The following PXYLP1 variants were observed in gnomAD, a reference collection of about 807,000 sequenced individuals.
The protein encoded by PXYLP1 is acid phosphatase-like 2.
Under a neutral mutation model 37.9 loss-of-function variants are expected in PXYLP1, and 17 were observed. The ratio of observed to expected loss-of-function variants is 0.45; its 90% CI spans 0.31 to 0.67. PXYLP1 has a LOEUF of 0.67. Among genes scored for constraint, PXYLP1 ranks in the 30% least tolerant of loss-of-function variants. The pLI is 0.07. For synonymous variants in PXYLP1, 221 were observed against 232.2 expected (o/e 0.95, Z 0.44); for missense variants, 511 against 612.0 (o/e 0.84, Z 1.74).
intron 2 of PXYLP1, among the ~76,000 whole-genome samples, chr3:141,272,263 G>A (rs146829856): frequency 6.6e-6 from 1 of 152,282 alleles, no homozygotes; most frequent in Non-Finnish European, 1.5e-5. Context: ...TGGTTGTTGA[G>A]TTTCAGGGAT....
rs1942276306 is a variant in PXYLP1 at position 141,293,278 on chromosome 3, C to G, written c.*73C>G. On this transcript the variant is annotated 3_prime_UTR_variant, in exon 6 of 6. Coordinates refer to ENST00000286353, the MANE Select transcript of PXYLP1 (RefSeq NM_001037172.3). ...GGGAAAGGTCCACTTCTAGTTTTGTCTGTTACTAAGGGTAGAAGATTATTG... is the reference window on the plus strand; with the variant it reads ...GGGAAAGGTCCACTTCTAGTTTTGTGTGTTACTAAGGGTAGAAGATTATTG... 5 of 1,407,738 alleles carry G rather than the reference C, an allele frequency of 3.6e-6. No homozygotes were observed. The highest frequency in any genetic ancestry group is 4.8e-6 in the Non-Finnish European group (5 of 1,040,028). The allele number at this position is 1,407,738 out of a possible 1,614,324, so 87.2% of individuals were successfully genotyped here.
chr3:141,291,190 TA>T (rs1227700690), intron 5 of PXYLP1, among the ~76,000 whole-genome samples: 2 of 152,162 alleles, frequency 1.3e-5, no homozygotes, highest in Admixed American at 1.3e-4. Flanking sequence ...GGACTTTTCA[TA>T]CTGTTTGGAC....
chr3:141,247,598 T>C (rs1357174516), intron 1 of PXYLP1, among the ~76,000 whole-genome samples: 1 of 152,208 alleles, frequency 6.6e-6, no homozygotes, highest in Non-Finnish European at 1.5e-5. Context: ...CAACTTTCTA[T>C]AACCAAGACT....
At chr3:141,281,869 C>T (rs112992126) in intron 4 of PXYLP1, among the ~76,000 whole-genome samples, 4 of 152,156 alleles carry the variant, frequency 2.6e-5, no homozygotes, top group South Asian at 4.1e-4. Flanking sequence ...CAGGCTCAAG[C>T]GTGGAGTGGA....
Position 141,290,963 on chromosome 3 carries a change from C to T in PXYLP1, c.506-1305C>T, listed in dbSNP as rs113866916. On this transcript the variant is annotated intron_variant, in intron 5 of 5. Coordinates refer to ENST00000286353, the MANE Select transcript of PXYLP1 (RefSeq NM_001037172.3). ...CACGGAATCTAATGTTTGTCTCTCA[C>T]GGTTTGCATGTTTTTTTGCAAAGCG... Among the ~76,000 whole-genome samples the T allele has an allele frequency of 3.3e-3, 509 of 152,228 alleles. 4 individuals carry two copies. The highest frequency in any genetic ancestry group is 0.011 in the African/African-American group (457 of 41,524).
chr3:141,256,585 A>G (rs2148737168), intron 1 of PXYLP1, among the ~76,000 whole-genome samples: 1 of 152,362 alleles, frequency 6.6e-6, no homozygotes, highest in Middle Eastern at 3.4e-3. Flanking sequence ...TTGGGGTCCT[A>G]GCTTCAGCTG....
At chr3:141,270,399 C>T (rs1941633170) in intron 2 of PXYLP1, among the ~76,000 whole-genome samples, 1 of 152,216 alleles carries the variant, frequency 6.6e-6, no homozygotes, top group African/African-American at 2.4e-5. Context: ...AGGCAGATAA[C>T]AACTGTGGAC....
chr3:141,247,221 G>C (rs1940979905), intron 1 of PXYLP1, among the ~76,000 whole-genome samples: 1 of 152,262 alleles, frequency 6.6e-6, no homozygotes, highest in South Asian at 2.1e-4. Flanking sequence ...GGCATAATGT[G>C]AGGGCTTGAA....
chr3:141,293,326 T>A lies in PXYLP1; in HGVS notation c.*121T>A. ...TTGCTTTTTAAAGGCTAAATATTGT[T>A]TGTGGGAACCACAGATGGTTGGGGT... On this transcript the variant is annotated 3_prime_UTR_variant, in exon 6 of 6. Transcript: ENST00000286353. 1 of 1,048,046 alleles carries A rather than the reference T, an allele frequency of 9.5e-7. No individual in the cohort carries two copies. Among genetic ancestry groups the A allele is most frequent in the East Asian group, 2.6e-5 (1 of 38,514 alleles). The allele number at this position is 1,048,046 out of a possible 1,614,324, so 64.9% of individuals were successfully genotyped here.
chr3:141,284,128 G>A (rs892719269), intron 4 of PXYLP1, among the ~76,000 whole-genome samples: 7 of 152,100 alleles, frequency 4.6e-5, no homozygotes, highest in Admixed American at 3.9e-4. Context: ...ACTCATGAAT[G>A]CATTACCTTA....
chr3:141,264,425 C>T (rs565280001), intron 2 of PXYLP1, among the ~76,000 whole-genome samples: 1 of 152,186 alleles, frequency 6.6e-6, no homozygotes, highest in Admixed American at 6.5e-5. Flanking sequence ...GAGTCTGATC[C>T]CATTTAAAGT....
chr3:141,277,099 G>C (rs1941813544), intron 2 of PXYLP1, among the ~76,000 whole-genome samples: 1 of 152,100 alleles, frequency 6.6e-6, no homozygotes, highest in Non-Finnish European at 1.5e-5. Context: ...TGTTAGGTTA[G>C]TTGCAAATAT....
At chr3:141,232,598 A>G (rs1940549913) in intron 1 of PXYLP1, among the ~76,000 whole-genome samples, 1 of 152,256 alleles carries the variant, frequency 6.6e-6, no homozygotes, top group Admixed American at 6.5e-5. Context: ...CGTGTGGTGT[A>G]GACCCACGAC....
At chr3:141,232,675 A>G (rs1940553408) in intron 1 of PXYLP1, among the ~76,000 whole-genome samples, 1 of 151,688 alleles carries the variant, frequency 6.6e-6, no homozygotes, top group African/African-American at 2.4e-5. Flanking sequence ...TCACACACAC[A>G]CACACAGAGA....
intron 1 of PXYLP1, among the ~76,000 whole-genome samples, chr3:141,238,542 C>A (rs1327541006): frequency 6.6e-6 from 1 of 152,214 alleles, no homozygotes; most frequent in Non-Finnish European, 1.5e-5. Flanking sequence ...GAAAACCAGT[C>A]ATCAGTTATC....
At chr3:141,241,421 C>T (rs1050982050) in intron 1 of PXYLP1, among the ~76,000 whole-genome samples, 4 of 149,880 alleles carry the variant, frequency 2.7e-5, no homozygotes, top group East Asian at 2.0e-4. Context: ...ATGAGTCTGT[C>T]GTGTTGATGA....
chr3:141,260,273 C>T lies in PXYLP1; in HGVS notation c.79+19C>T, dbSNP rs3796260. ...CAGTTCTGTGAGTAGAGCCGGGCCC[C>T]GCAGGTCGTGGGAGGGTAGGGGCTT... On this transcript the variant is annotated intron_variant, in intron 2 of 5. Transcript: ENST00000286353. 1.4e-5 allele frequency: 22 copies of T among 1,610,652 alleles called. No homozygotes were observed. In the East Asian group the frequency reaches 2.0e-4, roughly 15 times the overall value.
At chr3:141,251,632 A>G (rs1005154542) in intron 1 of PXYLP1, among the ~76,000 whole-genome samples, 1 of 152,244 alleles carries the variant, frequency 6.6e-6, no homozygotes, top group African/African-American at 2.4e-5. Context: ...TGACAAGGAC[A>G]GATTGCTGGG....
intron 1 of PXYLP1, among the ~76,000 whole-genome samples, chr3:141,251,885 T>C (rs1941148055): frequency 6.6e-6 from 1 of 152,176 alleles, no homozygotes; most frequent in African/African-American, 2.4e-5. Context: ...GTAGCTCACT[T>C]GTGGCTGGTG....
Sources: allele counts gnomAD v4.1 joint callset (sites outside exome capture counted in the v4.1 genomes callset), GRCh38; gene constraint gnomAD v4.1.1; transcripts MANE v1.5; gene names NCBI Gene and HGNC (gene_info 2026-07-23, HGNC 2026-07-21).